Variants in FRMD5 observed in about 807,000 individuals in gnomAD.
FRMD5 encodes FERM domain containing 5.
In FRMD5, 20 loss-of-function variants were observed where a neutral mutation model predicts 69.0. The observed-to-expected ratio is 0.29, with a 90% CI of 0.20 to 0.42. FRMD5 has a LOEUF of 0.42. Ranked by LOEUF, FRMD5 falls within the 10% of genes least tolerant of loss-of-function variation. FRMD5 has a pLI of 1.00. For missense variants in FRMD5, 595 were observed against 708.6 expected (o/e 0.84, Z 1.82); for synonymous variants, 271 against 260.1 (o/e 1.04, Z -0.40).
chr15:44,093,633 C>T (rs749027649), intron 1 of FRMD5, among the ~76,000 whole-genome samples: 10 of 150,028 alleles, frequency 6.7e-5, no homozygotes, highest in East Asian at 2.0e-4. Flanking sequence ...AGTGCAGTGG[C>T]GCCGTCTCAG....
intron 1 of FRMD5, among the ~76,000 whole-genome samples, chr15:44,113,363 C>G (rs753536729): frequency 5.3e-5 from 8 of 152,146 alleles, no homozygotes; most frequent in Non-Finnish European, 1.0e-4. Context: ...AATTCCCAAC[C>G]CTGTTACTTA....
intron 1 of FRMD5, among the ~76,000 whole-genome samples, chr15:44,094,809 T>C (rs1041800346): frequency 2.0e-5 from 3 of 152,140 alleles, no homozygotes. Flanking sequence ...AAGCCATTTT[T>C]CATCTCTTTA....
intron 6 of FRMD5, 93 bp from the exon 7 acceptor site, chr15:43,902,355 C>G: frequency 2.9e-6 from 3 of 1,040,824 alleles, no homozygotes; most frequent in Non-Finnish European, 4.5e-6. Context: ...TAGGATGAGC[C>G]ACACATCTCA....
chr15:44,169,022 G>A (rs1473573639), intron 1 of FRMD5, among the ~76,000 whole-genome samples: 1 of 152,116 alleles, frequency 6.6e-6, no homozygotes. Context: ...TCTCTCCTGT[G>A]TTCACGTGCA....
In FRMD5 at chr15:43,934,048, A is replaced by T. The variant is rs192308110; in HGVS notation, c.103-9739T>A. On this transcript the variant is annotated intron_variant, in intron 1 of 13. Coordinates refer to ENST00000417257, the MANE Select transcript of FRMD5 (RefSeq NM_032892.5). ...CCTCATCCTGCTGTCTCCTCCCTACATCTACGCTCCTTGAGGCTCCTTAGT... is the reference window on the plus strand; with the variant it reads ...CCTCATCCTGCTGTCTCCTCCCTACTTCTACGCTCCTTGAGGCTCCTTAGT... Among the ~76,000 whole-genome samples the T allele has an allele frequency of 1.1e-3, 161 of 152,244 alleles. 3 individuals carry two copies. The East Asian group carries it at 0.021, about 20-fold the overall frequency.
chr15:44,170,248 G>T (rs2077777431), intron 1 of FRMD5, among the ~76,000 whole-genome samples: 3 of 152,180 alleles, frequency 2.0e-5, no homozygotes, highest in Admixed American at 2.0e-4. Flanking sequence ...AATTAGGCCA[G>T]ACATGGTGGC....
chr15:44,056,604 T>A (rs573187104), intron 1 of FRMD5, among the ~76,000 whole-genome samples: 1 of 152,232 alleles, frequency 6.6e-6, no homozygotes, highest in South Asian at 2.1e-4. Context: ...CTAAAGAGTG[T>A]CAGCCATAGC....
chr15:44,129,963 TG>T (rs1181067665), intron 1 of FRMD5, among the ~76,000 whole-genome samples: 1 of 152,154 alleles, frequency 6.6e-6, no homozygotes, highest in African/African-American at 2.4e-5. Flanking sequence ...AACATCAGCT[TG>T]GGGAAGGCCA....
intron 1 of FRMD5, among the ~76,000 whole-genome samples, chr15:44,083,319 T>C (rs1387604035): frequency 6.6e-6 from 1 of 152,022 alleles, no homozygotes; most frequent in East Asian, 1.9e-4. Context: ...AAAATTTATT[T>C]GATAAACTCC....
At chr15:43,971,269 C>CA (rs2090372681) in intron 1 of FRMD5, among the ~76,000 whole-genome samples, 1 of 151,294 alleles carries the variant, frequency 6.6e-6, no homozygotes, top group Admixed American at 6.6e-5. Context: ...AAACAAAAAC[C>CA]AAAAAAACAA....
intron 1 of FRMD5, among the ~76,000 whole-genome samples, chr15:44,034,103 G>A (rs1891806990): frequency 6.6e-6 from 1 of 152,142 alleles, no homozygotes; most frequent in African/African-American, 2.4e-5. Context: ...GCTGCTGAGT[G>A]GAAACTGTTA....
intron 1 of FRMD5, among the ~76,000 whole-genome samples, chr15:43,929,400 C>A (rs1356909416): frequency 6.6e-6 from 1 of 152,170 alleles, no homozygotes; most frequent in African/African-American, 2.4e-5. Flanking sequence ...ATGCAGAAAG[C>A]TCCACTCATT....
At position 43,951,994 on chromosome 15, in the gene FRMD5, GTGTGTC is replaced by G. The variant is rs1420849234; in HGVS notation, c.103-27691_103-27686del. 9.7e-3 allele frequency among the ~76,000 whole-genome samples: 1,005 copies of G among 103,194 alleles called. 14 individuals carry two copies. The highest frequency in any genetic ancestry group is 0.059 in the African/African-American group (928 of 15,758). The allele number at this position is 103,194 out of a possible 152,430, so 67.7% of individuals were successfully genotyped here. ...GTGTGTGTGTGTTGTGTGTGTGTGT[GTGTGTC>G]TGTGTGTGTGTGTGTGTGTGTGTGT... On this transcript the variant is annotated intron_variant, in intron 1 of 13. Transcript: ENST00000417257.
rs907802743 is a variant in FRMD5, at chr15:43,919,520, T to C, written c.268A>G (p.Met90Val). The C allele has an allele frequency of 1.2e-6, 2 of 1,613,878 alleles. No homozygotes were observed. Among genetic ancestry groups the C allele is most frequent in the Non-Finnish European group, 1.7e-6 (2 of 1,180,000 alleles). Residue 90 changes from methionine to valine, a missense_variant, in exon 4 of 14, where the codon ATG becomes GTG. This residue lies in a region of FRMD5 where 79 missense variants were observed against 139.9 expected (regional missense o/e 0.56). Coordinates refer to ENST00000417257, the MANE Select transcript of FRMD5 (RefSeq NM_032892.5). ...KQLRSQPPFT[M>V]CFRVKFYPAD... ...GGATAAAACTTCACACGGAAGCACA[T>C]GGTGAATGGAGGCTGGGCTGCAGAG...
intron 1 of FRMD5, among the ~76,000 whole-genome samples, chr15:44,139,729 A>C (rs1208526554): frequency 1.0e-4 from 2 of 19,210 alleles, no homozygotes; most frequent in Non-Finnish European, 3.2e-4. Flanking sequence ...AGTCTCTACA[A>C]AAAAAAAAAA....
intron 1 of FRMD5, among the ~76,000 whole-genome samples, chr15:44,144,863 T>C (rs1353198792): frequency 1.3e-5 from 2 of 152,188 alleles, no homozygotes; most frequent in African/African-American, 4.8e-5. Flanking sequence ...GTTCCCTTTC[T>C]GTAGCAGGCT....
chr15:44,152,026 A>G (rs940581739), intron 1 of FRMD5, among the ~76,000 whole-genome samples: 1 of 152,176 alleles, frequency 6.6e-6, no homozygotes, highest in African/African-American at 2.4e-5. Flanking sequence ...CCTGGCCAAC[A>G]TGGTAAAATC....
At chr15:44,091,037 G>A (rs1157803182) in intron 1 of FRMD5, among the ~76,000 whole-genome samples, 2 of 152,074 alleles carry the variant, frequency 1.3e-5, no homozygotes, top group Non-Finnish European at 2.9e-5. Context: ...ATAAATCACA[G>A]AACCTGTTCC....
chr15:44,036,260 G>C (rs1482078554), intron 1 of FRMD5, among the ~76,000 whole-genome samples: 1 of 151,832 alleles, frequency 6.6e-6, no homozygotes, highest in Non-Finnish European at 1.5e-5. Context: ...CTTCTCTCAA[G>C]TTTTTTCTTT....
Sources: allele counts gnomAD v4.1 joint callset (sites outside exome capture counted in the v4.1 genomes callset), GRCh38; gene constraint gnomAD v4.1.1; regional missense constraint gnomAD v4.1.1; transcripts MANE v1.5; gene names NCBI Gene and HGNC (gene_info 2026-07-23, HGNC 2026-07-21).